CD276: variants seen among roughly 807,000 people sequenced by gnomAD.
The protein encoded by CD276 is CD276 molecule.
A neutral mutation model predicts 50.0 loss-of-function variants in CD276; 34 were observed. The observed-to-expected ratio is 0.68, with a 90% CI of 0.52 to 0.91. CD276 has a LOEUF of 0.91. Ranked by LOEUF, CD276 falls within the 40% of genes least tolerant of loss-of-function variation. The pLI is 0.00. For synonymous variants in CD276, 275 were observed against 313.0 expected (o/e 0.88, Z 1.28); for missense variants, 634 against 717.5 (o/e 0.88, Z 1.33).
intron 1 of CD276, among the ~76,000 whole-genome samples, chr15:73,694,236 C>G (rs973279923): frequency 1.8e-4 from 27 of 152,298 alleles, no homozygotes; most frequent in African/African-American, 6.5e-4. Flanking sequence ...ACACCTTCAG[C>G]CCCTCCCTCA....
At chr15:73,712,410 C>G (rs376039578) in intron 9 of CD276, among the ~76,000 whole-genome samples, 3 of 152,220 alleles carry the variant, frequency 2.0e-5, no homozygotes, top group African/African-American at 7.2e-5. Context: ...CTTCCCAAGT[C>G]TCCATTCAGC....
In CD276 at chr15:73,704,432, C is replaced by G. The variant is rs748594967; in HGVS notation, c.1329C>G (p.Pro443=). The stretch of plus-strand genomic sequence containing the variant: ...CCTACAGCTGCCTGGTGCGCAACCC[C>G]GTGCTGCAGCAGGATGCGCACGGCT... ...NGTYSCLVRN[P]VLQQDAHGSV... The change falls in exon 6 of 10, where the codon CCC becomes CCG. Residue 443 remains proline (P), a synonymous_variant. Coordinates refer to ENST00000318443, the MANE Select transcript of CD276 (RefSeq NM_001024736.2). This position sits in a 1 kb window ranked among gnomAD's most constrained non-coding sequence, Gnocchi z 4.1. 3 of 1,613,870 alleles carry G rather than the reference C, an allele frequency of 1.9e-6. No individual in the cohort carries two copies. Among genetic ancestry groups the G allele is most frequent in the Non-Finnish European group, 1.7e-6 (2 of 1,180,010 alleles).
rs768941439 is a variant in CD276 at position 73,708,386 on chromosome 15, CTG to C, written c.1419_1420del (p.Ser474CysfsTer23). On this transcript the variant is annotated frameshift_variant, in exon 7 of 10. Transcript: ENST00000318443. LOFTEE classifies it high-confidence loss of function. The part of the protein sequence containing the change: ...PPEALWVTVG[L>X]SVCLIALLVA... Reference sequence around the variant, plus strand: ...AGAGGCCCTGTGGGTGACCGTGGGGCTGTCTGTCTGTCTCATTGCACTGCTGG... The same window carrying C: ...AGAGGCCCTGTGGGTGACCGTGGGGCTCTGTCTGTCTCATTGCACTGCTGG... 51 of 1,613,714 alleles carry C rather than the reference CTG, an allele frequency of 3.2e-5. No homozygotes were observed. Among genetic ancestry groups the C allele is most frequent in the South Asian group, 6.6e-5 (6 of 91,056 alleles).
At chr15:73,697,092 C>T (rs914304203) in intron 1 of CD276, among the ~76,000 whole-genome samples, 2 of 152,190 alleles carry the variant, frequency 1.3e-5, no homozygotes, top group Admixed American at 6.5e-5. Flanking sequence ...GCAGGTCCTG[C>T]AGGCAGCTGC....
At chr15:73,700,470 A>G (rs1344772279) in intron 2 of CD276, among the ~76,000 whole-genome samples, 1 of 152,136 alleles carries the variant, frequency 6.6e-6, no homozygotes, top group Non-Finnish European at 1.5e-5. Flanking sequence ...GTCTCTACCC[A>G]CGGCTGCTCT....
At chr15:73,685,844 G>T (rs888781363) in intron 1 of CD276, among the ~76,000 whole-genome samples, 4 of 152,124 alleles carry the variant, frequency 2.6e-5, no homozygotes, top group African/African-American at 7.2e-5. Flanking sequence ...CTGTCCGATG[G>T]GTTGAGCTGA....
At chr15:73,696,540 G>A (rs538652099) in intron 1 of CD276, among the ~76,000 whole-genome samples, 20 of 152,292 alleles carry the variant, frequency 1.3e-4, no homozygotes, top group Non-Finnish European at 5.9e-5. Flanking sequence ...AGGATCCAGA[G>A]TCTAGGAAAG....
At chr15:73,709,486 G>C (rs1900801599) in intron 7 of CD276, 162 bp from the exon 8 acceptor site, 2 of 707,190 alleles carry the variant, frequency 2.8e-6, no homozygotes, top group Non-Finnish European at 5.0e-6. Context: ...CGGCTCTGCT[G>C]TGCTCTGCTC....
In CD276 at chr15:73,708,468, A is replaced by T. The variant is rs764275656; in HGVS notation, c.1499A>T (p.Asn500Ile). Residue 500 changes from asparagine to isoleucine, a missense_variant, in exon 7 of 10, where the codon AAT becomes ATT. By Grantham distance (149) the Asn-to-Ile change is moderately radical. Transcript: ENST00000318443. Reference protein sequence around the residue: ...RKIKQSCEEENAGAEDQDGEG... With the variant: ...RKIKQSCEEEIAGAEDQDGEG... ...ATCAAACAGAGCTGTGAGGAGGAGA[A>T]TGCAGGTGAGTGTGTGTGTATGTGT... 2.5e-6 allele frequency: 4 copies of T among 1,613,390 alleles called. No individual in the cohort carries two copies. The highest frequency in any genetic ancestry group is 2.5e-6 in the Non-Finnish European group (3 of 1,179,744).
At position 73,704,146 on chromosome 15, in the gene CD276, C is replaced by A; in HGVS notation, c.1073-30C>A. 1 of 1,600,194 alleles carries A rather than the reference C, an allele frequency of 6.2e-7. No individual in the cohort carries two copies. The highest frequency in any genetic ancestry group is 1.1e-5 in the South Asian group (1 of 89,036). On this transcript the variant is annotated intron_variant, in intron 5 of 9. Transcript: ENST00000318443. This position sits in a 1 kb window ranked among gnomAD's most constrained non-coding sequence, Gnocchi z 4.1. The stretch of plus-strand genomic sequence containing the variant: ...CTTTTCCTCCCCTGCCATTGCCCTG[C>A]CCTTGACCCCTGCCCTCTGTCACCT...
chr15:73,714,232 TG>T lies in CD276; in HGVS notation c.*1280del. The stretch of plus-strand genomic sequence containing the variant: ...TCATAGCAGCAGAAAAGGCAGAGCC[TG>T]GGGCAGGGCAGGGCCAGGAATGCTT... On this transcript the variant is annotated 3_prime_UTR_variant, in exon 10 of 10. Transcript: ENST00000318443. 4.9e-6 allele frequency: 1 copy of T among 202,062 alleles called. No individual in the cohort carries two copies. The highest frequency in any genetic ancestry group is 9.8e-6 in the Non-Finnish European group (1 of 102,034). 12.5% of individuals were successfully genotyped at this position (202,062 alleles called of 1,614,324 possible). A position where few individuals can be genotyped will look rare whatever the true frequency, so the allele number is the denominator to read the frequency against.
rs768205199 is a variant in CD276, at chr15:73,704,123, T to C, written c.1073-53T>C. ...TCCTGTACTCAGCCCCATGCATCCT[T>C]TTCCTCCCCTGCCATTGCCCTGCCC... On this transcript the variant is annotated intron_variant, in intron 5 of 9. Transcript: ENST00000318443. The surrounding 1 kb of genome is among the most constrained non-coding windows in gnomAD (Gnocchi z 4.1). 191 of 1,586,970 alleles carry C rather than the reference T, an allele frequency of 1.2e-4. No homozygotes were observed. Among genetic ancestry groups the C allele is most frequent in the Non-Finnish European group, 1.6e-4 (181 of 1,165,312 alleles).
Position 73,708,485 on chromosome 15 carries a change from TGTATGTGTGTGCGTGC to T in CD276, c.1504+14_1504+29del. 1 of 1,611,172 alleles carries T rather than the reference TGTATGTGTGTGCGTGC, an allele frequency of 6.2e-7. No individual in the cohort carries two copies. ...GGAGGAGAATGCAGGTGAGTGTGTG[TGTATGTGTGTGCGTGC>T]GCATGCACACTTATGTGTCTTGGGG... On this transcript the variant is annotated intron_variant, in intron 7 of 9. Coordinates refer to ENST00000318443, the MANE Select transcript of CD276 (RefSeq NM_001024736.2).
intron 6 of CD276, among the ~76,000 whole-genome samples, chr15:73,706,420 TA>T (rs1900653627): frequency 6.6e-6 from 1 of 152,072 alleles, no homozygotes; most frequent in Non-Finnish European, 1.5e-5. Flanking sequence ...GAAAATTGGA[TA>T]AATGATCAAT....
At chr15:73,689,010 G>A (rs566129514) in intron 1 of CD276, among the ~76,000 whole-genome samples, 99 of 152,264 alleles carry the variant, frequency 6.5e-4, no homozygotes, top group Non-Finnish European at 1.1e-3. Flanking sequence ...TTGAGTGAAT[G>A]CAGATGTGTG....
At chr15:73,698,152 G>A (rs1900245709) in intron 1 of CD276, among the ~76,000 whole-genome samples, 1 of 152,106 alleles carries the variant, frequency 6.6e-6, no homozygotes, top group Non-Finnish European at 1.5e-5. Flanking sequence ...CCACAGACTT[G>A]CCTCTTACTC....
intron 2 of CD276, among the ~76,000 whole-genome samples, chr15:73,701,304 C>G (rs989622637): frequency 2.0e-5 from 3 of 152,138 alleles, no homozygotes; most frequent in Non-Finnish European, 4.4e-5. Context: ...CAGCTGAAAC[C>G]GCCCCTAACT....
chr15:73,708,271 C>T (rs552473403), intron 6 of CD276, 68 bp from the exon 7 acceptor site: 8 of 1,571,946 alleles, frequency 5.1e-6, no homozygotes, highest in Non-Finnish European at 5.2e-6. Flanking sequence ...CACTTGGAGC[C>T]AATGGTGCTG....
At chr15:73,685,692 G>T (rs536003356) in intron 1 of CD276, among the ~76,000 whole-genome samples, 2 of 152,020 alleles carry the variant, frequency 1.3e-5, no homozygotes, top group Non-Finnish European at 2.9e-5. Flanking sequence ...TATTTAGTGC[G>T]GCCTCCTCTA....
Sources: allele counts gnomAD v4.1 joint callset (sites outside exome capture counted in the v4.1 genomes callset), GRCh38; gene constraint gnomAD v4.1.1; non-coding constraint Gnocchi (gnomAD v3.1); transcripts MANE v1.5; gene names NCBI Gene and HGNC (gene_info 2026-07-23, HGNC 2026-07-21).